The following CADM2 variants were observed in gnomAD, a reference collection of about 807,000 sequenced individuals.
The protein encoded by CADM2 is cell adhesion molecule 2.
CADM2 carries 12 observed loss-of-function variants against 49.8 expected under a neutral mutation model. The ratio of observed to expected loss-of-function variants is 0.24; its 90% CI spans 0.15 to 0.39. CADM2 has a LOEUF of 0.39. Ranked by LOEUF, CADM2 falls within the 10% of genes least tolerant of loss-of-function variation. CADM2 has a pLI of 1.00. For synonymous variants in CADM2, 214 were observed against 175.4 expected (o/e 1.22, Z -1.74); for missense variants, 378 against 492.3 (o/e 0.77, Z 2.20).
intron 8 of CADM2, among the ~76,000 whole-genome samples, chr3:85,971,157 G>C (rs9840424): frequency 0.037 from 5,607 of 151,534 alleles, 344 homozygotes; most frequent in African/African-American, 0.13. Flanking sequence ...GAGATAATTA[G>C]AGAATAGGAG....
chr3:85,706,139 A>G (rs974633139), intron 1 of CADM2, among the ~76,000 whole-genome samples: 15 of 152,130 alleles, frequency 9.9e-5, no homozygotes, highest in African/African-American at 3.4e-4. Context: ...GGTTTTATTC[A>G]TTTCTGATTC....
chr3:85,928,850 A>T (rs1488342924), intron 6 of CADM2, among the ~76,000 whole-genome samples: 3 of 152,148 alleles, frequency 2.0e-5, no homozygotes, highest in Non-Finnish European at 4.4e-5. Flanking sequence ...ATATAAGGAC[A>T]CACAATCGAG....
chr3:84,972,877 A>T (rs80053109), intron 1 of CADM2, among the ~76,000 whole-genome samples: 3,213 of 152,178 alleles, frequency 0.021, 127 homozygotes, highest in African/African-American at 0.073. Context: ...AAAATACATA[A>T]TTCCTTTCTT....
intron 8 of CADM2, among the ~76,000 whole-genome samples, chr3:85,984,767 G>A (rs1447887024): frequency 1.3e-5 from 2 of 151,996 alleles, no homozygotes; most frequent in African/African-American, 2.4e-5. Flanking sequence ...CACAATCCAT[G>A]TAAAACTTCA....
intron 1 of CADM2, among the ~76,000 whole-genome samples, chr3:85,549,973 G>A (rs1190555092): frequency 1.3e-5 from 2 of 151,944 alleles, no homozygotes; most frequent in Non-Finnish European, 2.9e-5. Context: ...AATGACAATA[G>A]TAACAGCTAA....
chr3:85,313,771 G>T (rs2044399897), intron 1 of CADM2, among the ~76,000 whole-genome samples: 1 of 152,088 alleles, frequency 6.6e-6, no homozygotes, highest in African/African-American at 2.4e-5. Context: ...GTTATAGAAT[G>T]ATATATTTCT....
chr3:84,992,083 T>C (rs1212237580), intron 1 of CADM2, among the ~76,000 whole-genome samples: 3 of 152,150 alleles, frequency 2.0e-5, no homozygotes, highest in African/African-American at 7.2e-5. Context: ...TATTTGCCAT[T>C]ATACATTTGT....
At chr3:85,708,626 CTTA>C (rs752978326) in intron 1 of CADM2, among the ~76,000 whole-genome samples, 2 of 152,080 alleles carry the variant, frequency 1.3e-5, no homozygotes, top group Non-Finnish European at 2.9e-5. Flanking sequence ...CTCCAGAAAT[CTTA>C]TTTTTTAAAA....
intron 2 of CADM2, among the ~76,000 whole-genome samples, chr3:85,777,781 C>T (rs1051094471): frequency 6.6e-6 from 1 of 152,058 alleles, no homozygotes; most frequent in South Asian, 2.1e-4. Flanking sequence ...TGTAGGCAAA[C>T]CAATTTAAAG....
chr3:85,121,474 G>A (rs1026681862), intron 1 of CADM2, among the ~76,000 whole-genome samples: 3 of 152,090 alleles, frequency 2.0e-5, no homozygotes, highest in Non-Finnish European at 2.9e-5. Flanking sequence ...GATCTGCAAA[G>A]GATAAAGAGA....
chr3:85,557,349 G>A (rs2061984554), intron 1 of CADM2, among the ~76,000 whole-genome samples: 1 of 151,770 alleles, frequency 6.6e-6, no homozygotes, highest in Non-Finnish European at 1.5e-5. Flanking sequence ...AACAAAGTAA[G>A]AATGAAAATA....
chr3:85,428,215 G>T (rs949283566), intron 1 of CADM2, among the ~76,000 whole-genome samples: 1 of 149,980 alleles, frequency 6.7e-6, no homozygotes, highest in Non-Finnish European at 1.5e-5. Flanking sequence ...AAAAAAAAAG[G>T]CACAGAGTAA....
intron 1 of CADM2, among the ~76,000 whole-genome samples, chr3:85,213,770 T>C (rs2041859387): frequency 6.6e-6 from 1 of 152,090 alleles, no homozygotes; most frequent in Non-Finnish European, 1.5e-5. Context: ...TATACTTTTT[T>C]CCTTTGTCTC....
intron 3 of CADM2, among the ~76,000 whole-genome samples, chr3:85,824,297 G>C (rs2073777889): frequency 6.6e-6 from 1 of 152,142 alleles, no homozygotes; most frequent in African/African-American, 2.4e-5. Flanking sequence ...GTCACTCATA[G>C]CCTTTGCTTA....
At chr3:85,676,760 G>A (rs1018598494) in intron 1 of CADM2, among the ~76,000 whole-genome samples, 10 of 151,614 alleles carry the variant, frequency 6.6e-5, no homozygotes. Flanking sequence ...TTGTATACAA[G>A]CATCTTATCT....
chr3:85,240,678 A>C (rs1449961562), intron 1 of CADM2, among the ~76,000 whole-genome samples: 2 of 151,522 alleles, frequency 1.3e-5, no homozygotes, highest in Non-Finnish European at 1.5e-5. Flanking sequence ...TCAGTTTGCT[A>C]AGACACCTAA....
chr3:85,046,646 C>T (rs538874229), intron 1 of CADM2, among the ~76,000 whole-genome samples: 1 of 151,764 alleles, frequency 6.6e-6, no homozygotes, highest in Non-Finnish European at 1.5e-5. Context: ...TGTTATGTGA[C>T]AATTAAAAAT....
chr3:85,777,496 C>G lies in CADM2; in HGVS notation c.89-24551C>G, dbSNP rs191753121. On this transcript the variant is annotated intron_variant, in intron 2 of 9. Coordinates refer to ENST00000383699, the MANE Select transcript of CADM2 (RefSeq NM_001167675.2). ...TCTCCAACTCCTAACTTCAGGTGAT[C>G]AGCCCGCCTTGGGCTCCCAAAGTGC... is the stretch of plus-strand genomic sequence containing the variant. Among the ~76,000 whole-genome samples, 375 of 152,142 alleles carry G rather than the reference C, an allele frequency of 2.5e-3. 1 individual carries two copies. Among genetic ancestry groups the G allele is most frequent in the African/African-American group, 8.8e-3 (364 of 41,520 alleles).
intron 1 of CADM2, among the ~76,000 whole-genome samples, chr3:85,612,241 T>C (rs2063699084): frequency 6.6e-6 from 1 of 151,870 alleles, no homozygotes; most frequent in Non-Finnish European, 1.5e-5. Flanking sequence ...ATAACAACAA[T>C]AGCAACTAAC....
Sources: allele counts gnomAD v4.1 joint callset (sites outside exome capture counted in the v4.1 genomes callset), GRCh38; gene constraint gnomAD v4.1.1; transcripts MANE v1.5; gene names NCBI Gene and HGNC (gene_info 2026-07-23, HGNC 2026-07-21).